The following KHDRBS2 variants were observed in gnomAD, a reference collection of about 807,000 sequenced individuals.
KHDRBS2 encodes KH domain-containing, RNA-binding, signal transduction-associated protein 2.
Under a neutral mutation model 44.3 loss-of-function variants are expected in KHDRBS2, and 26 were observed. The observed-to-expected ratio is 0.59, with a 90% CI of 0.43 to 0.81. The LOEUF is 0.81. Among genes scored for constraint, KHDRBS2 ranks in the 40% least tolerant of loss-of-function variants. The pLI is 0.00. For missense variants in KHDRBS2, 476 were observed against 433.1 expected, an observed-to-expected ratio of 1.10 and a Z score of -0.88; for synonymous variants, 194 against 151.1, an observed-to-expected ratio of 1.28 and a Z score of -2.08.
intron 4 of KHDRBS2, among the ~76,000 whole-genome samples, chr6:61,969,626 A>C (rs933393622): frequency 6.6e-6 from 1 of 152,016 alleles, no homozygotes; most frequent in Non-Finnish European, 1.5e-5. Context: ...CTAAAGCTTC[A>C]AATTCCTCAA....
intron 3 of KHDRBS2, among the ~76,000 whole-genome samples, chr6:62,013,605 T>C (rs1403121595): frequency 6.6e-6 from 1 of 152,144 alleles, no homozygotes; most frequent in African/African-American, 2.4e-5. Flanking sequence ...ATTATTATTA[T>C]AAAAATGAGG....
In KHDRBS2 at chr6:61,940,642, C is replaced by T. The variant is rs149033645; in HGVS notation, c.483+37424G>A. 1.7e-3 allele frequency among the ~76,000 whole-genome samples: 266 copies of T among 152,232 alleles called. 2 individuals carry two copies. Among genetic ancestry groups the T allele is most frequent in the African/African-American group, 6.1e-3 (253 of 41,544 alleles). ...AAGCTCAATCAGCTATAGCAAGGTA[C>T]CATTTTAGAGCCCTGCACCCAATGG... On this transcript the variant is annotated intron_variant, in intron 4 of 8. Transcript: ENST00000281156.
chr6:62,141,136 A>C (rs569735150), intron 2 of KHDRBS2, among the ~76,000 whole-genome samples: 1 of 152,354 alleles, frequency 6.6e-6, no homozygotes, highest in South Asian at 2.1e-4. Flanking sequence ...TGAAGACATA[A>C]GCATGAACGT....
intron 8 of KHDRBS2, 35 bp downstream of exon 8, chr6:61,697,160 C>T (rs183104756): frequency 3.7e-6 from 5 of 1,349,096 alleles, no homozygotes; most frequent in Non-Finnish European, 5.3e-6. Flanking sequence ...GATGGATGTT[C>T]CGATTTCACA....
At chr6:61,556,150 C>A in the KHDRBS2 span, among the ~76,000 whole-genome samples, 60 of 152,230 alleles carry the variant, frequency 3.9e-4, 1 homozygote, top group African/African-American at 1.3e-3. Context: ...GGGGTCCATG[C>A]GCATTCACTC....
At chr6:62,107,611 AC>A (rs1313608171) in intron 2 of KHDRBS2, among the ~76,000 whole-genome samples, 1 of 152,182 alleles carries the variant, frequency 6.6e-6, no homozygotes, top group African/African-American at 2.4e-5. Flanking sequence ...TTCATATGGA[AC>A]CAAAAAAGAG....
chr6:62,226,270 G>A (rs1831806521), intron 1 of KHDRBS2, among the ~76,000 whole-genome samples: 1 of 152,070 alleles, frequency 6.6e-6, no homozygotes, highest in Admixed American at 6.5e-5. Flanking sequence ...ATTTTGATTT[G>A]CATTTCTCTA....
the KHDRBS2 span, among the ~76,000 whole-genome samples, chr6:61,606,546 G>A: frequency 1.3e-5 from 2 of 152,096 alleles, no homozygotes; most frequent in Non-Finnish European, 2.9e-5. Flanking sequence ...TCCAAGAAAC[G>A]GCCAGATAAT....
intron 3 of KHDRBS2, among the ~76,000 whole-genome samples, chr6:62,015,896 C>G (rs1474945912): frequency 6.6e-6 from 1 of 152,148 alleles, no homozygotes; most frequent in Non-Finnish European, 1.5e-5. Context: ...GATTTTCCTT[C>G]CTGCTCTGAT....
At chr6:61,733,875 T>C (rs576307099) in intron 6 of KHDRBS2, among the ~76,000 whole-genome samples, 4 of 152,156 alleles carry the variant, frequency 2.6e-5, no homozygotes, top group Non-Finnish European at 5.9e-5. Flanking sequence ...CTTCAGGTTT[T>C]CTGTGCCTGG....
rs550681408 is a variant in KHDRBS2, at chr6:61,753,492, T to C, written c.811-20728A>G. 7.2e-5 allele frequency among the ~76,000 whole-genome samples: 11 copies of C among 152,322 alleles called. No homozygotes were observed. The South Asian group carries it at 2.3e-3, about 32-fold the overall frequency. On this transcript the variant is annotated intron_variant, in intron 6 of 8. Coordinates refer to ENST00000281156, the MANE Select transcript of KHDRBS2 (RefSeq NM_152688.4). ...AGTAGAATGATCATAAACATCTTTC[T>C]TTAAGCAGAGAGAGAATTGCAATTC... is the stretch of plus-strand genomic sequence containing the variant.
chr6:62,099,037 A>G (rs1373410851), intron 2 of KHDRBS2, among the ~76,000 whole-genome samples: 1 of 152,088 alleles, frequency 6.6e-6, no homozygotes, highest in African/African-American at 2.4e-5. Flanking sequence ...AAATTATTCA[A>G]TTGTTTCTCT....
chr6:62,159,709 A>T (rs2150110974), intron 2 of KHDRBS2, among the ~76,000 whole-genome samples: 1 of 152,312 alleles, frequency 6.6e-6, no homozygotes, highest in East Asian at 1.9e-4. Flanking sequence ...GTCAATTAAC[A>T]CATATTTTGT....
At chr6:61,812,306 T>C (rs997100441) in intron 6 of KHDRBS2, among the ~76,000 whole-genome samples, 2 of 152,076 alleles carry the variant, frequency 1.3e-5, no homozygotes, top group African/African-American at 4.8e-5. Context: ...AAGTGTACTA[T>C]ACCTCTTTAA....
At chr6:62,280,778 G>A (rs1841685820) in intron 1 of KHDRBS2, among the ~76,000 whole-genome samples, 1 of 152,312 alleles carries the variant, frequency 6.6e-6, no homozygotes, top group African/African-American at 2.4e-5. Flanking sequence ...AGTCGATCGG[G>A]AGAAAGAGTA....
At chr6:62,021,351 T>G (rs1316035352) in intron 3 of KHDRBS2, among the ~76,000 whole-genome samples, 3 of 151,826 alleles carry the variant, frequency 2.0e-5, no homozygotes, top group Non-Finnish European at 4.4e-5. Context: ...GTACAACAAA[T>G]TCCCATGACA....
chr6:62,180,562 A>AG (rs1246846956), intron 1 of KHDRBS2, among the ~76,000 whole-genome samples: 1 of 151,930 alleles, frequency 6.6e-6, no homozygotes, highest in African/African-American at 2.4e-5. Context: ...ATAAATGAAA[A>AG]GACACTTTAT....
chr6:61,993,674 T>TATATATATATATATA (rs58974944), intron 3 of KHDRBS2, among the ~76,000 whole-genome samples: 21 of 84,292 alleles, frequency 2.5e-4, no homozygotes, highest in Admixed American at 4.8e-4. Context: ...TATATATATA[T>TATATATATATATATA]TTTTTTTTTT....
At position 62,204,912 on chromosome 6, in the gene KHDRBS2, C is replaced by T. The variant is rs555637930; in HGVS notation, c.92-27600G>A. ...ATAAATGGGCCTATGTAGTTCAAGC[C>T]CATGTTATTCAAGGGTCAACAGTAT... On this transcript the variant is annotated intron_variant, in intron 1 of 8. Coordinates refer to ENST00000281156, the MANE Select transcript of KHDRBS2 (RefSeq NM_152688.4). Among the ~76,000 whole-genome samples, 46 of 152,102 alleles carry T rather than the reference C, an allele frequency of 3.0e-4. 1 individual carries two copies. The South Asian group carries it at 9.6e-3, about 32-fold the overall frequency.
Sources: gnomAD v4.1 joint callset for allele counts (sites outside exome capture counted in the v4.1 genomes callset) on GRCh38, gnomAD v4.1.1 for gene constraint, MANE v1.5 for transcripts, NCBI Gene and HGNC (gene_info 2026-07-23, HGNC 2026-07-21) for gene names.